The following CALN1 variants were observed in gnomAD, a reference collection of about 807,000 sequenced individuals.
CALN1 encodes the protein calcium-binding protein 8.
Under a neutral mutation model 30.6 loss-of-function variants are expected in CALN1, and 17 were observed. That is an observed-to-expected ratio of 0.56 (90% CI 0.38 to 0.83). CALN1 has a LOEUF of 0.83. CALN1 is among the 40% of genes least tolerant of loss of function. The probability of loss-of-function intolerance (pLI) is 0.00; values close to 1 mark genes in which losing one functional copy is unlikely to be tolerated. For synonymous variants in CALN1, 156 were observed against 131.4 expected, an observed-to-expected ratio of 1.19 and a Z score of -1.28; for missense variants, 291 against 354.9, an observed-to-expected ratio of 0.82 and a Z score of 1.45.
intron 5 of CALN1, among the ~76,000 whole-genome samples, chr7:71,992,205 G>C (rs1004716836): frequency 6.6e-6 from 1 of 152,102 alleles, no homozygotes; most frequent in Non-Finnish European, 1.5e-5. Flanking sequence ...GTTTAAATTG[G>C]AAAGGAAATG....
chr7:71,861,595 T>G (rs2116664508), intron 5 of CALN1, among the ~76,000 whole-genome samples: 1 of 150,698 alleles, frequency 6.6e-6, no homozygotes, highest in Admixed American at 6.7e-5. Flanking sequence ...GGTAACATAG[T>G]GAGACCCTGT....
At chr7:72,081,484 G>T (rs1418762724) in intron 4 of CALN1, among the ~76,000 whole-genome samples, 1 of 142,180 alleles carries the variant, frequency 7.0e-6, no homozygotes, top group Non-Finnish European at 1.6e-5. Flanking sequence ...TTGCCCAAAT[G>T]CAATCATAGC....
At chr7:72,490,572 T>G in the CALN1 span, among the ~76,000 whole-genome samples, 1 of 152,206 alleles carries the variant, frequency 6.6e-6, no homozygotes, top group South Asian at 2.1e-4. Context: ...ATTGTGGTCT[T>G]CAGCGTTGGA....
At chr7:72,046,697 G>C (rs112045785) in intron 4 of CALN1, among the ~76,000 whole-genome samples, 5 of 126,898 alleles carry the variant, frequency 3.9e-5, no homozygotes, top group African/African-American at 1.5e-4. Flanking sequence ...GCAACAGAGC[G>C]AGACTCCCTC....
chr7:71,919,909 G>T (rs914265567), intron 5 of CALN1, among the ~76,000 whole-genome samples: 2 of 152,132 alleles, frequency 1.3e-5, no homozygotes, highest in Non-Finnish European at 2.9e-5. Flanking sequence ...AGTATTTCCC[G>T]ATGTGTTCCT....
chr7:72,384,102 T>C (rs1279389589), intron 2 of CALN1, among the ~76,000 whole-genome samples: 2 of 152,196 alleles, frequency 1.3e-5, no homozygotes, highest in Admixed American at 1.3e-4. Flanking sequence ...CATTCCTGGA[T>C]ATGACTTGGA....
intron 2 of CALN1, 74 bp from the exon 3 acceptor site, chr7:72,278,884 C>T: frequency 6.5e-7 from 1 of 1,542,126 alleles, no homozygotes; most frequent in African/African-American, 1.4e-5. Context: ...CTTAAAGGAC[C>T]ATCTGATTTT....
intron 5 of CALN1, among the ~76,000 whole-genome samples, chr7:72,011,096 T>C (rs1584739177): frequency 1.3e-5 from 2 of 149,980 alleles, no homozygotes; most frequent in Admixed American, 1.3e-4. Context: ...GAGGTTGCAG[T>C]GAGCCGAGAT....
chr7:72,010,805 C>CA (rs201289509), intron 5 of CALN1, among the ~76,000 whole-genome samples: 8,263 of 96,890 alleles, frequency 0.085, 679 homozygotes, highest in East Asian at 0.39. Context: ...GACCCTGTCT[C>CA]AAAAAAAAAA....
At chr7:72,321,372 G>C (rs914839370) in intron 2 of CALN1, among the ~76,000 whole-genome samples, 7 of 152,118 alleles carry the variant, frequency 4.6e-5, no homozygotes, top group African/African-American at 1.7e-4. Flanking sequence ...ATCACGGCTG[G>C]GTGATAAATG....
At chr7:71,995,428 G>A (rs1320797538) in intron 5 of CALN1, among the ~76,000 whole-genome samples, 1 of 152,216 alleles carries the variant, frequency 6.6e-6, no homozygotes, top group East Asian at 1.9e-4. Context: ...GGGAAACCTT[G>A]CTGAGAATTC....
chr7:72,310,550 G>A (rs575309075), intron 2 of CALN1, among the ~76,000 whole-genome samples: 1 of 151,946 alleles, frequency 6.6e-6, no homozygotes, highest in East Asian at 1.9e-4. Flanking sequence ...CCAGCTCTCA[G>A]CCATGTGCTG....
intron 2 of CALN1, among the ~76,000 whole-genome samples, chr7:72,355,103 C>T (rs1006681237): frequency 2.6e-5 from 4 of 152,038 alleles, no homozygotes; most frequent in Non-Finnish European, 5.9e-5. Context: ...GAGACAGACT[C>T]TCAGCATTTG....
At chr7:72,005,579 A>C (rs1422382068) in intron 5 of CALN1, among the ~76,000 whole-genome samples, 1 of 151,874 alleles carries the variant, frequency 6.6e-6, no homozygotes, top group African/African-American at 2.4e-5. Context: ...CAATCCCCCC[A>C]CCTCAGCCTC....
chr7:72,363,331 T>C (rs867785138), intron 2 of CALN1, among the ~76,000 whole-genome samples: 54 of 152,244 alleles, frequency 3.5e-4, no homozygotes, highest in African/African-American at 1.2e-3. Flanking sequence ...CTCCGCCTCC[T>C]GGGTTCAATC....
intron 5 of CALN1, among the ~76,000 whole-genome samples, chr7:71,846,862 G>A (rs13240529): frequency 1.8e-4 from 26 of 141,212 alleles, no homozygotes; most frequent in Non-Finnish European, 3.2e-4. Context: ...ATGTATATAT[G>A]TATGTATATA....
rs1034000261 is a variant in CALN1 at position 71,924,866 on chromosome 7, T to A, written c.501+98791A>T. Among the ~76,000 whole-genome samples, 7 of 152,238 alleles carry A rather than the reference T, an allele frequency of 4.6e-5. No individual in the cohort carries two copies. The South Asian group carries it at 1.4e-3, about 31-fold the overall frequency. On this transcript the variant is annotated intron_variant, in intron 5 of 6. Coordinates refer to ENST00000395275, the MANE Select transcript of CALN1 (RefSeq NM_031468.4). ...TCTTAAAACTATTAATTGCTTTAAA[T>A]AATTGCTTTAAAGGATCAATTATTT...
At chr7:72,021,207 C>T (rs746929487) in intron 5 of CALN1, among the ~76,000 whole-genome samples, 2 of 152,154 alleles carry the variant, frequency 1.3e-5, no homozygotes, top group South Asian at 4.2e-4. Context: ...TCCAGGAGTT[C>T]AAGGCTGCAG....
chr7:72,023,679 G>T lies in CALN1; in HGVS notation c.479C>A (p.Thr160Lys), dbSNP rs149391464. Residue 160 changes from threonine (T) to lysine (K), a missense_variant, in exon 5 of 7, where the codon ACG becomes AAG. Transcript: ENST00000395275. ...SEGRDGFLGN[T>K]IDSIFWQFDM... ...CACCTGCCAGAATATGCTGTCTATC[G>T]TGTTCCCAAGAAAACCATCGCGACC... 2 of 1,613,730 alleles carry T rather than the reference G, an allele frequency of 1.2e-6. No individual in the cohort carries two copies. Among genetic ancestry groups the T allele is most frequent in the Non-Finnish European group, 1.7e-6 (2 of 1,179,770 alleles).
Sources: gnomAD v4.1 joint callset for allele counts (sites outside exome capture counted in the v4.1 genomes callset) on GRCh38, gnomAD v4.1.1 for gene constraint, MANE v1.5 for transcripts, NCBI Gene and HGNC (gene_info 2026-07-23, HGNC 2026-07-21) for gene names.